USH2A: variants seen among roughly 807,000 people sequenced by gnomAD.
The protein encoded by USH2A is Usher syndrome 2A (autosomal recessive, mild).
Under a neutral mutation model 538.9 loss-of-function variants are expected in USH2A, and 443 were observed. The ratio of observed to expected loss-of-function variants is 0.82; its 90% CI spans 0.76 to 0.89. USH2A has a LOEUF of 0.89. Ranked by LOEUF, USH2A falls within the 40% of genes least tolerant of loss-of-function variation. The pLI, the probability that USH2A is intolerant of heterozygous loss-of-function variation, is 0.00. For synonymous variants in USH2A, 2,413 were observed against 2,273.5 expected, an observed-to-expected ratio of 1.06 and a Z score of -1.75; for missense variants, 6,633 against 6,324.8, an observed-to-expected ratio of 1.05 and a Z score of -1.65.
chr1:215,982,210 T>C (rs992767119), intron 35 of USH2A, among the ~76,000 whole-genome samples: 1 of 152,162 alleles, frequency 6.6e-6, no homozygotes, highest in Non-Finnish European at 1.5e-5. Flanking sequence ...ACCAACAAAA[T>C]GGGGTAATAT....
chr1:216,147,521 A>G (rs2102616739), intron 21 of USH2A, among the ~76,000 whole-genome samples: 1 of 152,292 alleles, frequency 6.6e-6, no homozygotes, highest in East Asian at 1.9e-4. Flanking sequence ...ACACTGAGAC[A>G]CTTTACAGCC....
chr1:216,181,934 A>T (rs1420248490), intron 20 of USH2A, among the ~76,000 whole-genome samples: 1 of 152,116 alleles, frequency 6.6e-6, no homozygotes, highest in East Asian at 1.9e-4. Flanking sequence ...GATATATAGA[A>T]TAGAAGTCTG....
rs141549439 is a variant in USH2A at position 215,732,544 on chromosome 1, C to CTTTTTTTTT, written c.11712-4169_11712-4161dup. Among the ~76,000 whole-genome samples, 56 of 73,592 alleles carry CTTTTTTTTT rather than the reference C, an allele frequency of 7.6e-4. 1 individual carries two copies. Among genetic ancestry groups the CTTTTTTTTT allele is most frequent in the African/African-American group, 1.5e-3 (25 of 16,336 alleles). 48.3% of individuals were successfully genotyped at this position (73,592 alleles called of 152,430 possible). A position where few individuals can be genotyped will look rare whatever the true frequency, so the allele number is the denominator to read the frequency against. ...TCTTTCTTATTCTCCTTTTTTCTTTCTTTTTTTTTTTTTTTTTTTTTTTTT... is the reference window on the plus strand; with the variant it reads ...TCTTTCTTATTCTCCTTTTTTCTTTCTTTTTTTTTTTTTTTTTTTTTTTTTTTTTTTTTT... On this transcript the variant is annotated intron_variant, in intron 60 of 71. Coordinates refer to ENST00000307340, the MANE Select transcript of USH2A (RefSeq NM_206933.4).
chr1:216,289,239 G>C (rs375868268), intron 11 of USH2A, 41 bp downstream of exon 11: 16 of 1,613,040 alleles, frequency 9.9e-6, no homozygotes, highest in Admixed American at 1.7e-5. Context: ...GTTTCTGGCA[G>C]ACAGAGTAAT....
At chr1:216,413,482 G>T (rs541273446) in intron 3 of USH2A, among the ~76,000 whole-genome samples, 1 of 151,952 alleles carries the variant, frequency 6.6e-6, no homozygotes, top group Non-Finnish European at 1.5e-5. Flanking sequence ...AACAAATGTT[G>T]GTTAAATTGC....
At position 216,372,269 on chromosome 1, in the gene USH2A, T is replaced by C. The variant is rs550841162; in HGVS notation, c.652-7184A>G. Reference sequence around the variant, plus strand: ...TTGCATTTTCCATGAGCTCCTGGTGTTTTATTTCAACACATTTTCCCTCTG... The same window carrying C: ...TTGCATTTTCCATGAGCTCCTGGTGCTTTATTTCAACACATTTTCCCTCTG... On this transcript the variant is annotated intron_variant, in intron 3 of 71. Transcript: ENST00000307340. Among the ~76,000 whole-genome samples, 104 of 152,294 alleles carry C rather than the reference T, an allele frequency of 6.8e-4. 1 individual carries two copies. Among genetic ancestry groups the C allele is most frequent in the African/African-American group, 2.4e-3 (98 of 41,560 alleles).
intron 62 of USH2A, among the ~76,000 whole-genome samples, chr1:215,678,447 C>A (rs1297180031): frequency 6.6e-6 from 1 of 152,168 alleles, no homozygotes; most frequent in African/African-American, 2.4e-5. Flanking sequence ...CTTGCATTTG[C>A]TGTTCATTTT....
intron 47 of USH2A, among the ~76,000 whole-genome samples, chr1:215,829,293 G>C (rs1663247119): frequency 6.6e-6 from 1 of 152,072 alleles, no homozygotes; most frequent in South Asian, 2.1e-4. Context: ...CATGCATAAG[G>C]GCTTGTACTG....
chr1:216,067,496 G>GAAA (rs368313875), intron 30 of USH2A, among the ~76,000 whole-genome samples: 1 of 124,126 alleles, frequency 8.1e-6, no homozygotes, highest in African/African-American at 2.9e-5. Context: ...GCCAGGGAGA[G>GAAA]AAAAAAAAAA....
chr1:216,223,847 T>C (rs993833866), intron 14 of USH2A, among the ~76,000 whole-genome samples: 1 of 152,202 alleles, frequency 6.6e-6, no homozygotes, highest in Non-Finnish European at 1.5e-5. Flanking sequence ...AAAAGACCAA[T>C]TGAGATCAAT....
rs147637303 is a variant in USH2A, at chr1:215,946,797, G to T, written c.7121-12002C>A. 2.0e-5 allele frequency among the ~76,000 whole-genome samples: 3 copies of T among 152,228 alleles called. No individual in the cohort carries two copies. The East Asian group carries it at 5.8e-4, about 29-fold the overall frequency. On this transcript the variant is annotated intron_variant, in intron 37 of 71. Coordinates refer to ENST00000307340, the MANE Select transcript of USH2A (RefSeq NM_206933.4). ...AAATTGATCATTGATTCAGTTACTG[G>T]AAAACTTTTAAATACATTTGAAACA...
At chr1:215,626,732 A>T (rs915957746) in intron 71 of USH2A, among the ~76,000 whole-genome samples, 2 of 152,200 alleles carry the variant, frequency 1.3e-5, no homozygotes. Context: ...ACCCAAACCC[A>T]TAAAAATAAT....
chr1:216,414,280 A>G (rs1012626914), intron 3 of USH2A, among the ~76,000 whole-genome samples: 2 of 152,104 alleles, frequency 1.3e-5, no homozygotes, highest in Non-Finnish European at 2.9e-5. Context: ...TAAAATTTCA[A>G]TTGGCAATCC....
chr1:216,323,314 T>C (rs1235457236), intron 8 of USH2A, among the ~76,000 whole-genome samples, 160 bp downstream of exon 8: 7 of 147,940 alleles, frequency 4.7e-5, no homozygotes, highest in East Asian at 2.0e-4. Context: ...CAATGTTATA[T>C]AGAGAAAAGA....
chr1:216,142,917 T>G (rs1416578516), intron 21 of USH2A, among the ~76,000 whole-genome samples: 1 of 152,180 alleles, frequency 6.6e-6, no homozygotes, highest in Non-Finnish European at 1.5e-5. Flanking sequence ...CTTCTTGAAG[T>G]GTCTTTGTTG....
chr1:216,114,791 A>G (rs2032964016), intron 21 of USH2A, among the ~76,000 whole-genome samples: 1 of 152,198 alleles, frequency 6.6e-6, no homozygotes, highest in Non-Finnish European at 1.5e-5. Flanking sequence ...ACCAGATGCC[A>G]TAAAAGAACA....
intron 21 of USH2A, among the ~76,000 whole-genome samples, chr1:216,126,996 A>T (rs948643705): frequency 6.6e-6 from 1 of 152,232 alleles, no homozygotes; most frequent in Non-Finnish European, 1.5e-5. Flanking sequence ...ATGTTTACAA[A>T]TAGCACTGCA....
chr1:216,050,771 ATT>A (rs1168735010), intron 30 of USH2A, among the ~76,000 whole-genome samples: 34 of 150,084 alleles, frequency 2.3e-4, no homozygotes, highest in African/African-American at 7.8e-4. Flanking sequence ...CGCCCGGCTA[ATT>A]TTTTTGTATT....
intron 61 of USH2A, among the ~76,000 whole-genome samples, chr1:215,690,674 G>A (rs1658573498): frequency 6.7e-6 from 1 of 149,066 alleles, no homozygotes. Flanking sequence ...CTTTTTTTCA[G>A]TTGATGACGA....
Sources: gnomAD v4.1 joint callset for allele counts (sites outside exome capture counted in the v4.1 genomes callset) on GRCh38, gnomAD v4.1.1 for gene constraint, MANE v1.5 for transcripts, NCBI Gene and HGNC (gene_info 2026-07-23, HGNC 2026-07-21) for gene names.